The following PHAX variants were observed in gnomAD, a reference collection of about 807,000 sequenced individuals.
PHAX encodes phosphorylated adaptor for RNA export.
In PHAX, 31 loss-of-function variants were observed where a neutral mutation model predicts 41.6. That is an observed-to-expected ratio of 0.75 (90% CI 0.56 to 1.01). PHAX has a LOEUF of 1.01. Among genes scored for constraint, PHAX ranks in the 50% least tolerant of loss-of-function variants. PHAX has a pLI of 0.00. For missense variants in PHAX, 453 were observed against 472.9 expected (o/e 0.96, Z 0.39); for synonymous variants, 175 against 164.9 (o/e 1.06, Z -0.47).
chr5:126,618,988 G>C (rs1752230952), intron 4 of PHAX, among the ~76,000 whole-genome samples: 1 of 152,026 alleles, frequency 6.6e-6, no homozygotes, highest in African/African-American at 2.4e-5. Context: ...GCCCCAGCTG[G>C]AGTGCATCAT....
Position 126,626,170 on chromosome 5 carries a change from A to G in PHAX, c.*1326A>G, listed in dbSNP as rs954234437. Reference sequence around the variant, plus strand: ...CAAGAGAGGAAGATTGCTTGAGCCCAGGAGTTTGAGACCAATCTAGGCAAT... The same window carrying G: ...CAAGAGAGGAAGATTGCTTGAGCCCGGGAGTTTGAGACCAATCTAGGCAAT... On this transcript the variant is annotated 3_prime_UTR_variant, in exon 5 of 5. Coordinates refer to ENST00000297540, the MANE Select transcript of PHAX (RefSeq NM_032177.4). 1 of 152,164 alleles carries G rather than the reference A, an allele frequency of 6.6e-6. No individual in the cohort carries two copies. Among genetic ancestry groups the G allele is most frequent in the African/African-American group, 2.4e-5 (1 of 41,438 alleles). The allele number at this position is 152,164 out of a possible 1,614,324, so 9.4% of individuals were successfully genotyped here. A position where few individuals can be genotyped will look rare whatever the true frequency, so the allele number is the denominator to read the frequency against.
In PHAX at chr5:126,621,159, G is replaced by C. The variant is rs1435855763; in HGVS notation, c.916-3416G>C. ...CATGCCTCGGCCTCTCAAAGTGCTG[G>C]GATTACAGGTGTGAGCCACTGTACC... On this transcript the variant is annotated intron_variant, in intron 4 of 4. Coordinates refer to ENST00000297540, the MANE Select transcript of PHAX (RefSeq NM_032177.4). Among the ~76,000 whole-genome samples the C allele has an allele frequency of 2.0e-5, 3 of 152,144 alleles. No individual in the cohort carries two copies. The South Asian group carries it at 6.2e-4, about 32-fold the overall frequency.
rs201201378 is a variant in PHAX, at chr5:126,606,149, GTTTGTT to G, written c.710+1982_710+1987del. 9.7e-4 allele frequency among the ~76,000 whole-genome samples: 148 copies of G among 151,906 alleles called. 1 individual carries two copies. The East Asian group carries it at 0.023, about 24-fold the overall frequency. The stretch of plus-strand genomic sequence containing the variant: ...TTCTGTCAGCTAATGTTATGTTTTT[GTTTGTT>G]TTTGTTTTTGTTTTTTTGTGTGTGT... On this transcript the variant is annotated intron_variant, in intron 2 of 4. Transcript: ENST00000297540.
chr5:126,603,264 T>C (rs1240649154), intron 1 of PHAX, among the ~76,000 whole-genome samples: 2 of 152,128 alleles, frequency 1.3e-5, no homozygotes, highest in African/African-American at 2.4e-5. Context: ...TGTATGTCAT[T>C]TTAAAACATT....
chr5:126,603,741 C>T lies in PHAX; in HGVS notation c.268C>T (p.Pro90Ser), dbSNP rs778496743. The change falls in exon 2 of 5, where the codon CCT (proline) becomes TCT (serine). Residue 90 changes from proline to serine, a missense_variant. Pro to Ser is a moderately conservative substitution (Grantham distance 74). Transcript: ENST00000297540. The part of the protein sequence containing the change: ...WKRKRQKCFN[P>S]PPKPEPFQFG... ...ACGCAAACGACAGAAATGTTTTAAC[C>T]CTCCTCCCAAACCAGAGCCTTTTCA... is the stretch of plus-strand genomic sequence containing the variant. 6 of 1,614,020 alleles carry T rather than the reference C, an allele frequency of 3.7e-6. No homozygotes were observed. In the East Asian group the frequency reaches 8.9e-5, roughly 24 times the overall value.
chr5:126,621,945 T>G (rs893028567), intron 4 of PHAX, among the ~76,000 whole-genome samples: 1 of 152,140 alleles, frequency 6.6e-6, no homozygotes, highest in Non-Finnish European at 1.5e-5. Context: ...GAATGAAGTT[T>G]GTTTTTATTT....
At chr5:126,601,230 G>A (rs1362974424) in intron 1 of PHAX, among the ~76,000 whole-genome samples, 172 bp downstream of exon 1, 2 of 152,052 alleles carry the variant, frequency 1.3e-5, no homozygotes, top group African/African-American at 2.4e-5. Context: ...CGTCCCCCAG[G>A]CGGGCTCACG....
chr5:126,624,511 G>C (rs2112839942), intron 4 of PHAX, 64 bp from the exon 5 acceptor site: 1 of 1,236,070 alleles, frequency 8.1e-7, no homozygotes, highest in East Asian at 2.3e-5. Flanking sequence ...TAAAGGGACA[G>C]TCATGGAATA....
chr5:126,604,274 C>CTTTTTTTTTTT lies in PHAX; in HGVS notation c.710+100_710+110dup, dbSNP rs57270218. 4.2e-4 allele frequency: 271 copies of CTTTTTTTTTTT among 645,638 alleles called. 11 individuals carry two copies. Among genetic ancestry groups the CTTTTTTTTTTT allele is most frequent in the Middle Eastern group, 1.8e-3 (4 of 2,192 alleles). The allele number at this position is 645,638 out of a possible 1,614,324, so 40.0% of individuals were successfully genotyped here. On this transcript the variant is annotated intron_variant, in intron 2 of 4. Coordinates refer to ENST00000297540, the MANE Select transcript of PHAX (RefSeq NM_032177.4). ...TGCCAAATACTTTAATGATATGTTC[C>CTTTTTTTTTTT]TTTTTTTTTTTTTTTTTTTGGAGAC... is the stretch of plus-strand genomic sequence containing the variant.
At chr5:126,610,745 T>C (rs1439914964) in intron 3 of PHAX, among the ~76,000 whole-genome samples, 1 of 152,198 alleles carries the variant, frequency 6.6e-6, no homozygotes, top group East Asian at 1.9e-4. Flanking sequence ...CTGGCTCTCT[T>C]GCCCAGGCTG....
intron 1 of PHAX, among the ~76,000 whole-genome samples, chr5:126,601,754 C>T (rs1751907541): frequency 6.6e-6 from 1 of 152,116 alleles, no homozygotes; most frequent in African/African-American, 2.4e-5. Flanking sequence ...GCAACCTCCG[C>T]CTCCCGGGTT....
In PHAX at chr5:126,609,095, A is replaced by ATTTTTT. The variant is rs761125079; in HGVS notation, c.831+629_831+634dup. ...ATGATTTGTTAAAGGTAGGGGTTGA[A>ATTTTTT]TTTTTTTTTTTTTTTTTTTTTTTGA... On this transcript the variant is annotated intron_variant, in intron 3 of 4. Coordinates refer to ENST00000297540, the MANE Select transcript of PHAX (RefSeq NM_032177.4). Among the ~76,000 whole-genome samples the ATTTTTT allele has an allele frequency of 3.8e-4, 38 of 101,236 alleles. 4 individuals carry two copies. The highest frequency in any genetic ancestry group is 1.5e-3 in the African/African-American group (32 of 21,000). 66.4% of individuals were successfully genotyped at this position (101,236 alleles called of 152,430 possible). A position where few individuals can be genotyped will look rare whatever the true frequency, so the allele number is the denominator to read the frequency against.
chr5:126,603,677 A>G lies in PHAX; in HGVS notation c.204A>G (p.Glu68=). 2 of 1,614,216 alleles carry G rather than the reference A, an allele frequency of 1.2e-6. No individual in the cohort carries two copies. The highest frequency in any genetic ancestry group is 1.3e-5 in the African/African-American group (1 of 75,054). The change falls in exon 2 of 5, where the codon GAA becomes GAG. Residue 68 remains glutamate, a synonymous_variant. Coordinates refer to ENST00000297540, the MANE Select transcript of PHAX (RefSeq NM_032177.4). ...TTGAAAGTGTGGATTCAAGTGAAGA[A>G]AGTTTTTCTGATTCAGATGATGATA... ...RAVESVDSSE[E]SFSDSDDDSC...
chr5:126,608,325 CAACA>C (rs750571029), intron 2 of PHAX, 35 bp from the exon 3 acceptor site: 7 of 1,590,464 alleles, frequency 4.4e-6, no homozygotes, highest in Middle Eastern at 1.7e-4. Context: ...CAACTTTGTA[CAACA>C]AACAAAGAGG....
chr5:126,619,623 G>A (rs1220292585), intron 4 of PHAX, among the ~76,000 whole-genome samples: 2 of 151,414 alleles, frequency 1.3e-5, no homozygotes, highest in African/African-American at 2.4e-5. Flanking sequence ...CAGAATATTA[G>A]GTTACCTTAT....
At chr5:126,601,962 C>CG (rs1388363643) in intron 1 of PHAX, among the ~76,000 whole-genome samples, 21 of 152,166 alleles carry the variant, frequency 1.4e-4, no homozygotes, top group Admixed American at 1.4e-3. Flanking sequence ...CCACGGCGCC[C>CG]GGCCACATCC....
intron 1 of PHAX, among the ~76,000 whole-genome samples, chr5:126,602,581 T>C (rs2112827776): frequency 6.6e-6 from 1 of 152,364 alleles, no homozygotes; most frequent in African/African-American, 2.4e-5. Context: ...GACAAATACT[T>C]GCTTTTGCAT....
chr5:126,616,344 C>T (rs1320330911), intron 3 of PHAX, among the ~76,000 whole-genome samples: 3 of 152,152 alleles, frequency 2.0e-5, no homozygotes, highest in African/African-American at 7.2e-5. Context: ...GATCCACCCG[C>T]CTCGGCGTCC....
chr5:126,623,805 G>T (rs1752307202), intron 4 of PHAX, among the ~76,000 whole-genome samples: 2 of 152,168 alleles, frequency 1.3e-5, no homozygotes, highest in African/African-American at 4.8e-5. Flanking sequence ...TATTCTTTAA[G>T]AATATAACAG....
Sources: gnomAD v4.1 joint callset for allele counts (sites outside exome capture counted in the v4.1 genomes callset) on GRCh38, gnomAD v4.1.1 for gene constraint, MANE v1.5 for transcripts, NCBI Gene and HGNC (gene_info 2026-07-23, HGNC 2026-07-21) for gene names.